Variants in P4HA2 observed in about 807,000 individuals in gnomAD.
P4HA2 encodes the protein prolyl 4-hydroxylase subunit alpha-2.
In P4HA2, 46 loss-of-function variants were observed where a neutral mutation model predicts 76.9. That is an observed-to-expected ratio of 0.60 (90% CI 0.47 to 0.76). The LOEUF is 0.76. P4HA2 is among the 30% of genes least tolerant of loss of function. P4HA2 has a pLI of 0.00. For missense variants in P4HA2, 583 were observed against 669.4 expected (o/e 0.87, Z 1.42); for synonymous variants, 243 against 254.0 (o/e 0.96, Z 0.41).
intron 1 of P4HA2, among the ~76,000 whole-genome samples, chr5:132,225,049 GAAA>G (rs371037185): frequency 1.7e-5 from 2 of 116,636 alleles, no homozygotes; most frequent in Non-Finnish European, 1.7e-5. Context: ...CTGCTCTGAG[GAAA>G]AAAAAAAAAA....
rs202229926 is a variant in P4HA2, at chr5:132,218,564, G to C, written c.63C>G (p.Ala21=). The C allele has an allele frequency of 6.2e-7, 1 of 1,613,134 alleles. No individual in the cohort carries two copies. The highest frequency in any genetic ancestry group is 1.3e-5 in the African/African-American group (1 of 74,866). The change falls in exon 2 of 15, where the codon GCC becomes GCG. Residue 21 remains alanine (A), a synonymous_variant. Transcript: ENST00000360568. The part of the protein sequence containing the change: ...AWFGVLSCVQ[A]EFFTSIGHMT... The stretch of plus-strand genomic sequence containing the variant: ...ACGTACCAATAGAGGTGAAGAATTC[G>C]GCCTGCACACAGCTCAGGACACCAA...
At chr5:132,199,017 G>A in intron 10 of P4HA2, 85 bp from the exon 11 acceptor site, 1 of 949,712 alleles carries the variant, frequency 1.1e-6, no homozygotes, top group South Asian at 1.3e-5. Context: ...CATCTTCCCA[G>A]GCCTGAAAAC....
chr5:132,210,316 G>T lies in P4HA2; in HGVS notation c.677C>A (p.Ala226Asp), dbSNP rs747868073. 6.2e-7 allele frequency: 1 copy of T among 1,614,122 alleles called. No individual in the cohort carries two copies. The highest frequency in any genetic ancestry group is 1.7e-5 in the Admixed American group (1 of 60,010). Residue 226 changes from alanine (A) to aspartate (D), a missense_variant, in exon 6 of 15, where the codon GCC becomes GAC. Transcript: ENST00000360568. ...AVFQLGDLHR[A>D]LELTRRLLSL... ...GAGCAGGCGGCGGGTGAGCTCCAGG[G>T]CACGGTGCAGATCACCCAACTGGAA...
At chr5:132,220,990 A>AC (rs1754584127) in intron 1 of P4HA2, among the ~76,000 whole-genome samples, 1 of 152,124 alleles carries the variant, frequency 6.6e-6, no homozygotes, top group African/African-American at 2.4e-5. Flanking sequence ...CTGGAGCCCT[A>AC]CCCCATTTCT....
At chr5:132,212,976 T>C (rs564678148) in intron 5 of P4HA2, among the ~76,000 whole-genome samples, 3 of 152,300 alleles carry the variant, frequency 2.0e-5, no homozygotes, top group African/African-American at 7.2e-5. Flanking sequence ...TGGGTCTGCA[T>C]GAGCCTCACA....
chr5:132,224,367 T>C (rs1755058297), intron 1 of P4HA2, among the ~76,000 whole-genome samples: 1 of 152,216 alleles, frequency 6.6e-6, no homozygotes. Context: ...GAGGACTGAA[T>C]GTGATGACAG....
At chr5:132,193,610 G>A in intron 14 of P4HA2, 1 of 152,372 alleles carries the variant, frequency 6.6e-6, no homozygotes, top group Non-Finnish European at 1.5e-5. Context: ...GGAGGTGGCA[G>A]GTAGAAACTG....
At chr5:132,197,876 G>GC (rs1413173120) in intron 12 of P4HA2, 6 of 313,550 alleles carry the variant, frequency 1.9e-5, no homozygotes, top group African/African-American at 1.4e-4. Flanking sequence ...GGTGATGCTT[G>GC]CGCACTATGA....
chr5:132,195,287 A>T (rs1750465898), intron 13 of P4HA2, 125 bp downstream of exon 13: 1 of 764,662 alleles, frequency 1.3e-6, no homozygotes, highest in Admixed American at 2.0e-5. Context: ...ACCAGGTCAG[A>T]CCCCAGGTGG....
rs1310111712 is a variant in P4HA2 at position 132,190,463 on chromosome 5, G to A, written c.*2547C>T. ...CCCTAGACCCAGTGGTTTTTTGCATGAGACAATTTTATATATTAAGCCCCT... is the reference window on the plus strand; with the variant it reads ...CCCTAGACCCAGTGGTTTTTTGCATAAGACAATTTTATATATTAAGCCCCT... On this transcript the variant is annotated 3_prime_UTR_variant, in exon 15 of 15. Transcript: ENST00000360568. Among the ~76,000 whole-genome samples the A allele has an allele frequency of 6.6e-6, 1 of 152,140 alleles. No homozygotes were observed. Among genetic ancestry groups the A allele is most frequent in the Non-Finnish European group, 1.5e-5 (1 of 68,018 alleles).
chr5:132,212,877 A>G (rs1259562451), intron 5 of P4HA2, among the ~76,000 whole-genome samples: 2 of 152,196 alleles, frequency 1.3e-5, no homozygotes. Context: ...TCAAGGCTAC[A>G]GAGTGAACAG....
chr5:132,195,006 C>T lies in P4HA2; in HGVS notation c.1451G>A (p.Trp484Ter). Reference sequence around the variant, plus strand: ...TTCCCCGCTCCGCAAGAGGTTGTACCAGAACACAGCTGTACCCTGGGAAAG... The same window carrying T: ...TTCCCCGCTCCGCAAGAGGTTGTACTAGAACACAGCTGTACCCTGGGAAAG... ...IWPKKGTAVF[W>*]YNLLRSGEGD... The change falls in exon 14 of 15, where the codon TGG (tryptophan) becomes TAG (stop). Residue 484 changes from tryptophan to a stop codon, truncating the protein, a stop_gained. Transcript: ENST00000360568. LOFTEE classifies it high-confidence loss of function. The T allele has an allele frequency of 6.2e-7, 1 of 1,611,400 alleles. No individual in the cohort carries two copies. Among genetic ancestry groups the T allele is most frequent in the Non-Finnish European group, 8.5e-7 (1 of 1,177,482 alleles).
intron 4 of P4HA2, 93 bp from the exon 5 acceptor site, chr5:132,214,146 G>C (rs1753527651): frequency 1.7e-5 from 22 of 1,332,120 alleles, no homozygotes; most frequent in Non-Finnish European, 2.2e-5. Flanking sequence ...AGGGTCTCTG[G>C]CTAGTGAAAT....
chr5:132,210,481 C>G lies in P4HA2; in HGVS notation c.512G>C (p.Gly171Ala). 2 of 1,613,996 alleles carry G rather than the reference C, an allele frequency of 1.2e-6. No individual in the cohort carries two copies. Among genetic ancestry groups the G allele is most frequent in the Non-Finnish European group, 1.7e-6 (2 of 1,179,960 alleles). ...TTCATTGTAGGCCGAGCGGCCCATC[C>G]CAAAGCAGTCATCCACACTCAGCAT... ...QAMLSVDDCF[G>A]MGRSAYNEGD... The change falls in exon 6 of 15, where the codon GGG (glycine) becomes GCG (alanine). Residue 171 changes from glycine (G) to alanine (A), a missense_variant. Transcript: ENST00000360568.
At chr5:132,195,065 G>A in intron 13 of P4HA2, 43 bp from the exon 14 acceptor site, 1 of 1,314,562 alleles carries the variant, frequency 7.6e-7, no homozygotes, top group South Asian at 1.2e-5. Flanking sequence ...TTAAGAGACT[G>A]TGCTCAGGGA....
At chr5:132,215,155 A>G (rs373931442) in intron 4 of P4HA2, among the ~76,000 whole-genome samples, 48 of 152,346 alleles carry the variant, frequency 3.2e-4, no homozygotes, top group African/African-American at 1.2e-3. Flanking sequence ...CTTCATAGCT[A>G]CATGGTCAGG....
intron 1 of P4HA2, among the ~76,000 whole-genome samples, chr5:132,225,057 A>AAC (rs1198422188): frequency 6.6e-6 from 1 of 151,700 alleles, no homozygotes; most frequent in Non-Finnish European, 1.5e-5. Context: ...AGGAAAAAAA[A>AAC]AAAAAAAAAA....
At chr5:132,197,034 C>T (rs1461416527) in intron 12 of P4HA2, among the ~76,000 whole-genome samples, 1 of 152,146 alleles carries the variant, frequency 6.6e-6, no homozygotes, top group Non-Finnish European at 1.5e-5. Flanking sequence ...AAAAAATGGA[C>T]ACAGGCTTCT....
chr5:132,204,422 C>A (rs1320138682), intron 8 of P4HA2, among the ~76,000 whole-genome samples: 1 of 152,164 alleles, frequency 6.6e-6, no homozygotes, highest in Non-Finnish European at 1.5e-5. Context: ...GCTTTGCCTG[C>A]AGAATTATGC....
Sources: gnomAD v4.1 joint callset for allele counts (sites outside exome capture counted in the v4.1 genomes callset) on GRCh38, gnomAD v4.1.1 for gene constraint, MANE v1.5 for transcripts, NCBI Gene and HGNC (gene_info 2026-07-23, HGNC 2026-07-21) for gene names.